RNF180: variants seen among roughly 807,000 people sequenced by gnomAD.
RNF180 encodes the protein E3 ubiquitin-protein ligase RNF180.
In RNF180, 38 loss-of-function variants were observed where a neutral mutation model predicts 59.2. The ratio of observed to expected loss-of-function variants is 0.64; its 90% CI spans 0.50 to 0.84. RNF180 has a LOEUF of 0.84. RNF180 is among the 40% of genes least tolerant of loss of function. The pLI, the probability that RNF180 is intolerant of heterozygous loss-of-function variation, is 0.00. For synonymous variants in RNF180, 262 were observed against 240.3 expected, an observed-to-expected ratio of 1.09 and a Z score of -0.84; for missense variants, 705 against 700.9, an observed-to-expected ratio of 1.01 and a Z score of -0.07.
chr5:64,349,869 G>C (rs1024097753), intron 7 of RNF180, among the ~76,000 whole-genome samples: 1 of 152,058 alleles, frequency 6.6e-6, no homozygotes, highest in Non-Finnish European at 1.5e-5. Flanking sequence ...CCAAGTCTTT[G>C]CTATTGTGAA....
chr5:64,201,010 GCA>G (rs1337580375), intron 2 of RNF180, 68 bp downstream of exon 2: 27 of 1,218,604 alleles, frequency 2.2e-5, no homozygotes, highest in Non-Finnish European at 3.0e-5. Context: ...CCACACACAT[GCA>G]CACTTATTCT....
chr5:64,242,312 G>C (rs939094482), intron 5 of RNF180, among the ~76,000 whole-genome samples: 6 of 152,176 alleles, frequency 3.9e-5, no homozygotes, highest in Non-Finnish European at 8.8e-5. Context: ...GCTGTGCAGA[G>C]ATCAGTGCAT....
intron 5 of RNF180, among the ~76,000 whole-genome samples, chr5:64,315,568 A>AAC (rs1743994198): frequency 6.6e-6 from 1 of 151,960 alleles, no homozygotes; most frequent in South Asian, 2.1e-4. Context: ...AACATGGTGA[A>AAC]ACCCCTTCTC....
chr5:64,176,932 A>C (rs1302510427), intron 1 of RNF180, among the ~76,000 whole-genome samples: 1 of 152,184 alleles, frequency 6.6e-6, no homozygotes, highest in African/African-American at 2.4e-5. Flanking sequence ...AATGAAGAGA[A>C]TAGACGTGTG....
chr5:64,260,883 A>T (rs978872452), intron 5 of RNF180, among the ~76,000 whole-genome samples: 1 of 150,944 alleles, frequency 6.6e-6, no homozygotes, highest in Non-Finnish European at 1.5e-5. Flanking sequence ...ACTATTGTTT[A>T]TATTGTTGTA....
chr5:64,260,733 A>G (rs1580133013), intron 5 of RNF180, among the ~76,000 whole-genome samples: 1 of 152,148 alleles, frequency 6.6e-6, no homozygotes, highest in Admixed American at 6.6e-5. Flanking sequence ...GCTGTATGAG[A>G]TCTTCAGCTT....
At chr5:64,233,433 A>G (rs1413009022) in intron 5 of RNF180, among the ~76,000 whole-genome samples, 1 of 152,252 alleles carries the variant, frequency 6.6e-6, no homozygotes, top group East Asian at 1.9e-4. Flanking sequence ...GAAATGAAAG[A>G]AATTAAAAAT....
At chr5:64,337,125 C>T (rs1745161874) in intron 7 of RNF180, among the ~76,000 whole-genome samples, 1 of 151,778 alleles carries the variant, frequency 6.6e-6, no homozygotes, top group Admixed American at 6.6e-5. Context: ...GCAATTCTCC[C>T]ACCTCAGACT....
At chr5:64,346,307 A>G (rs952166280) in intron 7 of RNF180, among the ~76,000 whole-genome samples, 1 of 150,414 alleles carries the variant, frequency 6.6e-6, no homozygotes, top group Non-Finnish European at 1.5e-5. Context: ...TTTTTTTTTG[A>G]AACAAAAACA....
intron 5 of RNF180, among the ~76,000 whole-genome samples, chr5:64,242,709 A>T (rs928838950): frequency 6.6e-6 from 1 of 152,218 alleles, no homozygotes; most frequent in African/African-American, 2.4e-5. Flanking sequence ...TAATACAGGT[A>T]AAGGAAAGAC....
In RNF180 at chr5:64,179,694, T is replaced by C. The variant is rs141335979; in HGVS notation, c.-1+13741T>C. ...GTTGTTTCCAGTTTTTTTATATTAT[T>C]GCAAAGTGTTGCTAAAATGAACATT... On this transcript the variant is annotated intron_variant, in intron 1 of 7. Transcript: ENST00000389100. Among the ~76,000 whole-genome samples the C allele has an allele frequency of 3.5e-3, 529 of 152,320 alleles. 2 individuals are homozygous for C. Among genetic ancestry groups the C allele is most frequent in the African/African-American group, 0.012 (480 of 41,582 alleles).
intron 7 of RNF180, among the ~76,000 whole-genome samples, chr5:64,363,111 T>C (rs74802003): frequency 0.021 from 3,187 of 152,050 alleles, 50 homozygotes; most frequent in Middle Eastern, 0.037. Context: ...ATCCCAGTTA[T>C]CAGTTTTTGC....
At chr5:64,253,982 A>T (rs143981339) in intron 5 of RNF180, among the ~76,000 whole-genome samples, 2 of 152,126 alleles carry the variant, frequency 1.3e-5, no homozygotes, top group Non-Finnish European at 2.9e-5. Flanking sequence ...TACCCTTACC[A>T]CTAAAGGGTG....
At chr5:64,343,533 GA>G (rs146630279) in intron 7 of RNF180, among the ~76,000 whole-genome samples, 2,740 of 151,864 alleles carry the variant, frequency 0.018, 85 homozygotes, top group African/African-American at 0.063. Flanking sequence ...AGGATAAATA[GA>G]AAGAAAACCA....
At chr5:64,272,533 T>A (rs1383112504) in intron 5 of RNF180, among the ~76,000 whole-genome samples, 1 of 151,810 alleles carries the variant, frequency 6.6e-6, no homozygotes, top group Non-Finnish European at 1.5e-5. Context: ...CTAAGAACAG[T>A]TGGAAGATAT....
At chr5:64,209,158 A>T (rs2112095678) in intron 2 of RNF180, among the ~76,000 whole-genome samples, 1 of 152,024 alleles carries the variant, frequency 6.6e-6, no homozygotes. Context: ...GACAGTAAAA[A>T]CTCTTAAAAC....
chr5:64,310,378 T>C (rs757647847), intron 5 of RNF180, among the ~76,000 whole-genome samples: 2 of 151,798 alleles, frequency 1.3e-5, no homozygotes, highest in African/African-American at 4.8e-5. Flanking sequence ...TACCATGTTA[T>C]TGTAGATGAC....
At chr5:64,311,437 C>T (rs1245298562) in intron 5 of RNF180, among the ~76,000 whole-genome samples, 1 of 151,632 alleles carries the variant, frequency 6.6e-6, no homozygotes, top group African/African-American at 2.4e-5. Flanking sequence ...TTCCTGCCTC[C>T]AGGTAGGAAA....
At chr5:64,166,830 G>A (rs1049865685) in intron 1 of RNF180, among the ~76,000 whole-genome samples, 6 of 152,194 alleles carry the variant, frequency 3.9e-5, no homozygotes, top group African/African-American at 1.4e-4. Context: ...TGTCTGACTA[G>A]AGTTGTCCTT....
Sources: allele counts gnomAD v4.1 joint callset (sites outside exome capture counted in the v4.1 genomes callset), GRCh38; gene constraint gnomAD v4.1.1; transcripts MANE v1.5; gene names NCBI Gene and HGNC (gene_info 2026-07-23, HGNC 2026-07-21).